The following NETO1 variants were observed in gnomAD, a reference collection of about 807,000 sequenced individuals.
NETO1 encodes neuropilin and tolloid-like protein 1.
Under a neutral mutation model 61.3 loss-of-function variants are expected in NETO1, and 26 were observed. The ratio of observed to expected loss-of-function variants is 0.42; its 90% CI spans 0.31 to 0.59. The LOEUF is 0.59. Among genes scored for constraint, NETO1 ranks in the 20% least tolerant of loss-of-function variants. NETO1 has a pLI of 0.12. For synonymous variants in NETO1, 225 were observed against 225.8 expected (o/e 1.00, Z 0.03); for missense variants, 531 against 662.8 (o/e 0.80, Z 2.18).
chr18:72,806,270 G>T (rs1434883055), intron 4 of NETO1, among the ~76,000 whole-genome samples: 1 of 152,108 alleles, frequency 6.6e-6, no homozygotes, highest in Non-Finnish European at 1.5e-5. Context: ...AAGTGAAGGA[G>T]AAAACAATCA....
At chr18:72,775,004 T>C (rs553111408) in intron 7 of NETO1, among the ~76,000 whole-genome samples, 1 of 152,328 alleles carries the variant, frequency 6.6e-6, no homozygotes, top group East Asian at 1.9e-4. Flanking sequence ...GTCTGTATAT[T>C]ATTTTTCTGA....
chr18:72,833,678 G>T (rs1351868547), intron 4 of NETO1, among the ~76,000 whole-genome samples: 1 of 152,100 alleles, frequency 6.6e-6, no homozygotes, highest in Non-Finnish European at 1.5e-5. Context: ...CTCAGTAGTG[G>T]GGTGAGAACC....
rs73471833 is a variant in NETO1, at chr18:72,810,722, G to A, written c.470-16318C>T. Reference sequence around the variant, plus strand: ...CTGCTCAATCTGTAGTTCCTCGCTCGTTTTTCTGTCATTCAAGAACAAGAG... The same window carrying A: ...CTGCTCAATCTGTAGTTCCTCGCTCATTTTTCTGTCATTCAAGAACAAGAG... On this transcript the variant is annotated intron_variant, in intron 4 of 10. Transcript: ENST00000327305. Among the ~76,000 whole-genome samples the A allele has an allele frequency of 7.2e-3, 1,094 of 152,214 alleles. 10 individuals carry two copies. The highest frequency in any genetic ancestry group is 0.021 in the African/African-American group (881 of 41,528).
intron 4 of NETO1, among the ~76,000 whole-genome samples, chr18:72,798,259 C>T (rs1444610919): frequency 6.6e-6 from 1 of 152,152 alleles, no homozygotes; most frequent in African/African-American, 2.4e-5. Context: ...CTCATAGGAG[C>T]TTCAACCCTA....
chr18:72,857,835 T>G (rs1033296838), intron 4 of NETO1, among the ~76,000 whole-genome samples: 1 of 152,198 alleles, frequency 6.6e-6, no homozygotes. Flanking sequence ...TATGCTACAG[T>G]AAATACTTGA....
At chr18:72,758,929 G>A (rs760274282) in intron 7 of NETO1, among the ~76,000 whole-genome samples, 15 of 152,080 alleles carry the variant, frequency 9.9e-5, no homozygotes, top group Non-Finnish European at 2.2e-4. Context: ...TTGTTTTATA[G>A]ACACCCAAAG....
Position 72,794,325 on chromosome 18 carries a change from A to C in NETO1, c.511+38T>G, listed in dbSNP as rs560592266. ...AAAGTGTATTTCATAGCAGAAAACAAAGTCTTCTGAACAGTATTAAATATC... is the reference window on the plus strand; with the variant it reads ...AAAGTGTATTTCATAGCAGAAAACACAGTCTTCTGAACAGTATTAAATATC... On this transcript the variant is annotated intron_variant, in intron 5 of 10. Coordinates refer to ENST00000327305, the MANE Select transcript of NETO1 (RefSeq NM_138966.5). The C allele has an allele frequency of 1.5e-5, 25 of 1,613,134 alleles. 1 individual carries two copies. The South Asian group carries it at 2.5e-4, about 16-fold the overall frequency.
intron 4 of NETO1, among the ~76,000 whole-genome samples, chr18:72,802,547 A>G (rs1220253105): frequency 6.6e-6 from 1 of 152,250 alleles, no homozygotes; most frequent in Non-Finnish European, 1.5e-5. Context: ...GCATGGGCCA[A>G]TGATCAAGGA....
chr18:72,779,835 T>G (rs1453344582), intron 7 of NETO1, among the ~76,000 whole-genome samples: 3 of 152,094 alleles, frequency 2.0e-5, no homozygotes, highest in Non-Finnish European at 2.9e-5. Flanking sequence ...AAAAACAGGG[T>G]TTTGTTTCCC....
At position 72,756,024 on chromosome 18, in the gene NETO1, TA is replaced by T; in HGVS notation, c.982+9del. 6.6e-7 allele frequency: 1 copy of T among 1,510,162 alleles called. No homozygotes were observed. The highest frequency in any genetic ancestry group is 9.2e-7 in the Non-Finnish European group (1 of 1,092,836). 93.5% of individuals were successfully genotyped at this position (1,510,162 alleles called of 1,614,324 possible). ...GAAATTTTTTTCAAATTTCAGGCACTAATCATTACCTTTACAGTGATTTTCA... is the reference window on the plus strand; with the variant it reads ...GAAATTTTTTTCAAATTTCAGGCACTATCATTACCTTTACAGTGATTTTCA... On this transcript the variant is annotated intron_variant, in intron 8 of 10. Coordinates refer to ENST00000327305, the MANE Select transcript of NETO1 (RefSeq NM_138966.5).
At chr18:72,850,547 A>G (rs939651054) in intron 4 of NETO1, among the ~76,000 whole-genome samples, 9 of 152,254 alleles carry the variant, frequency 5.9e-5, no homozygotes, top group Non-Finnish European at 2.9e-5. Flanking sequence ...TAGACTCGTC[A>G]ATATTTTCTT....
chr18:72,787,878 C>T (rs2071975380), intron 6 of NETO1, among the ~76,000 whole-genome samples: 1 of 152,016 alleles, frequency 6.6e-6, no homozygotes, highest in Non-Finnish European at 1.5e-5. Context: ...CAATCAAAAA[C>T]AAAATGAGTA....
At chr18:72,833,306 C>A (rs2226852) in intron 4 of NETO1, among the ~76,000 whole-genome samples, 3 of 152,150 alleles carry the variant, frequency 2.0e-5, no homozygotes, top group Non-Finnish European at 4.4e-5. Context: ...TACTTTAGAT[C>A]TGTACTTGAA....
chr18:72,750,296 T>G lies in NETO1; in HGVS notation c.1307A>C (p.Gln436Pro). Residue 436 changes from glutamine (Q) to proline (P), a missense_variant, in exon 9 of 11, where the codon CAG (glutamine) becomes CCG (proline). Gln to Pro is a moderately conservative substitution (Grantham distance 76, BLOSUM62 -1). Transcript: ENST00000327305. ...KCIHDHHCGS[Q>P]LSSTKGSRSN... ...GCGGCTGCCTTTAGTGCTGGACAGC[T>G]GTGATCCACAGTGATGGTCATGAAT... The G allele has an allele frequency of 6.2e-7, 1 of 1,614,100 alleles. No homozygotes were observed. The highest frequency in any genetic ancestry group is 8.5e-7 in the Non-Finnish European group (1 of 1,179,982).
intron 7 of NETO1, among the ~76,000 whole-genome samples, chr18:72,771,520 C>G (rs1219502467): frequency 6.6e-6 from 1 of 151,958 alleles, no homozygotes; most frequent in Non-Finnish European, 1.5e-5. Context: ...TTCGAGCCAT[C>G]CATGCCTGGA....
chr18:72,867,193 C>T, intron 1 of NETO1, 71 bp downstream of exon 1: 1 of 1,221,700 alleles, frequency 8.2e-7, no homozygotes, highest in Non-Finnish European at 1.1e-6. Context: ...TTTTCCTGCG[C>T]GTTCGGCCCC....
At chr18:72,864,684 A>C in intron 3 of NETO1, 124 bp downstream of exon 3, 1 of 1,230,728 alleles carries the variant, frequency 8.1e-7, no homozygotes, top group South Asian at 1.3e-5. Context: ...CACTCAAGAG[A>C]TATTTTTGCG....
chr18:72,790,674 T>C (rs1246972978), intron 6 of NETO1, among the ~76,000 whole-genome samples: 1 of 152,140 alleles, frequency 6.6e-6, no homozygotes, highest in African/African-American at 2.4e-5. Flanking sequence ...CAGCTATTTC[T>C]CTAGTTTCAA....
intron 8 of NETO1, among the ~76,000 whole-genome samples, chr18:72,752,381 G>C (rs528316724): frequency 1.4e-4 from 22 of 152,308 alleles, no homozygotes; most frequent in African/African-American, 4.6e-4. Flanking sequence ...AACAGGAAAT[G>C]AGAGAGGCAC....
Sources: allele counts gnomAD v4.1 joint callset (sites outside exome capture counted in the v4.1 genomes callset), GRCh38; gene constraint gnomAD v4.1.1; transcripts MANE v1.5; gene names NCBI Gene and HGNC (gene_info 2026-07-23, HGNC 2026-07-21).